Variants in SI observed in about 807,000 individuals in gnomAD.
SI encodes sucrase-isomaltase, also known as sucrase-isomaltase, intestinal.
A neutral mutation model predicts 253.3 loss-of-function variants in SI; 235 were observed. That is an observed-to-expected ratio of 0.93 (90% CI 0.83 to 1.03). The LOEUF (loss-of-function observed/expected upper bound fraction) is 1.03. Among genes scored for constraint, SI ranks in the 50% least tolerant of loss-of-function variants. SI has a pLI of 0.00. For synonymous variants in SI, 819 were observed against 712.0 expected, an observed-to-expected ratio of 1.15 and a Z score of -2.39; for missense variants, 2,442 against 2,211.1, an observed-to-expected ratio of 1.10 and a Z score of -2.09.
Position 165,010,862 on chromosome 3 carries a change from C to T in SI, c.4063-1467G>A, listed in dbSNP as rs73877381. Among the ~76,000 whole-genome samples the T allele has an allele frequency of 3.6e-3, 552 of 152,288 alleles. 3 individuals are homozygous for T. Among genetic ancestry groups the T allele is most frequent in the African/African-American group, 0.013 (525 of 41,536 alleles). On this transcript the variant is annotated intron_variant, in intron 34 of 47. Coordinates refer to ENST00000264382, the MANE Select transcript of SI (RefSeq NM_001041.4). ...CCAACACCTATATAAAAATCCATGC[C>T]TGTCTCTCTAGTGGTTCTCAAGAAT...
Position 165,049,787 on chromosome 3 carries a change from T to C in SI, c.1597+4A>G, listed in dbSNP as rs752411365. On this transcript the variant is annotated splice_donor_region_variant and intron_variant, in intron 14 of 47. Coordinates refer to ENST00000264382, the MANE Select transcript of SI (RefSeq NM_001041.4). ...CAGTAATTAGATAACCAAATAAATT[T>C]TACCAGGAGTAAACGGTGGATAATT... 7 of 1,530,876 alleles carry C rather than the reference T, an allele frequency of 4.6e-6. No homozygotes were observed. In the South Asian group the frequency reaches 5.6e-5, roughly 12 times the overall value. 94.8% of individuals were successfully genotyped at this position (1,530,876 alleles called of 1,614,324 possible).
At chr3:165,056,014 T>C (rs917125768) in intron 12 of SI, among the ~76,000 whole-genome samples, 2 of 152,182 alleles carry the variant, frequency 1.3e-5, no homozygotes, top group African/African-American at 4.8e-5. Flanking sequence ...TGTATTATGC[T>C]GTCTTTTTCT....
At chr3:165,088,033 T>C in the SI span, among the ~76,000 whole-genome samples, 1 of 152,116 alleles carries the variant, frequency 6.6e-6, no homozygotes, top group Non-Finnish European at 1.5e-5. Context: ...AAAAAATTCA[T>C]ATGTATGTAA....
At chr3:165,041,742 C>G (rs549999967) in intron 17 of SI, among the ~76,000 whole-genome samples, 8 of 152,054 alleles carry the variant, frequency 5.3e-5, no homozygotes, top group Non-Finnish European at 8.8e-5. Context: ...TATGGACAAG[C>G]CTGTTTAGAC....
intron 13 of SI, 69 bp from the exon 14 acceptor site, chr3:165,049,944 A>G (rs1713342622): frequency 2.0e-6 from 2 of 983,786 alleles, no homozygotes; most frequent in Non-Finnish European, 3.3e-6. Flanking sequence ...GAAACTCTCT[A>G]GTTGTTTGAA....
At position 165,018,021 on chromosome 3, in the gene SI, C is replaced by T. The variant is rs1450410925; in HGVS notation, c.3469G>A (p.Glu1157Lys). ...ACACCATGAGCATTGCCCTCCTCTTCCAGAGCCATGTAATAGGGATGAAAT... is the reference window on the plus strand; with the variant it reads ...ACACCATGAGCATTGCCCTCCTCTTTCAGAGCCATGTAATAGGGATGAAAT... The part of the protein sequence containing the change: ...YGFHPYYMAL[E>K]EEGNAHGVFL... Residue 1157 changes from glutamate to lysine, a missense_variant, in exon 29 of 48, where the codon GAA becomes AAA. By Grantham distance (56) the Glu-to-Lys change is moderately conservative. Transcript: ENST00000264382. 1.2e-6 allele frequency: 2 copies of T among 1,611,582 alleles called. No homozygotes were observed. Among genetic ancestry groups the T allele is most frequent in the Non-Finnish European group, 1.7e-6 (2 of 1,178,086 alleles).
intron 47 of SI, among the ~76,000 whole-genome samples, chr3:164,979,922 A>G (rs1294994047): frequency 6.6e-6 from 1 of 151,866 alleles, no homozygotes; most frequent in African/African-American, 2.4e-5. Flanking sequence ...ATTTCACTGG[A>G]GATAATCTAA....
chr3:164,985,585 T>A (rs75706075), intron 45 of SI, among the ~76,000 whole-genome samples: 7,332 of 152,266 alleles, frequency 0.048, 597 homozygotes, highest in African/African-American at 0.17. Flanking sequence ...GATTTACCTT[T>A]AAGATAAAAG....
chr3:165,023,922 A>T, intron 25 of SI, 146 bp from the exon 26 acceptor site: 1 of 676,322 alleles, frequency 1.5e-6, no homozygotes, highest in Non-Finnish European at 2.6e-6. Flanking sequence ...AACACAAAAT[A>T]TATTTTATGC....
intron 44 of SI, among the ~76,000 whole-genome samples, chr3:164,988,267 T>C (rs183144137): frequency 6.6e-6 from 1 of 152,324 alleles, no homozygotes; most frequent in African/African-American, 2.4e-5. Flanking sequence ...ATCTCCACAG[T>C]AATTAGATAT....
At chr3:164,992,084 A>G in intron 43 of SI, 93 bp downstream of exon 43, 1 of 1,035,946 alleles carries the variant, frequency 9.7e-7, no homozygotes, top group Admixed American at 1.7e-5. Context: ...TTTAAGTGGA[A>G]AGTAAATCCA....
rs969368790 is a variant in SI at position 164,996,529 on chromosome 3, A to G, written c.4692+6T>C. ...AATACTGAAAGTAAATGTAGTAATTACATACTCTAGTATTTGCAATGTTGT... is the reference window on the plus strand; with the variant it reads ...AATACTGAAAGTAAATGTAGTAATTGCATACTCTAGTATTTGCAATGTTGT... On this transcript the variant is annotated splice_donor_region_variant and intron_variant, in intron 40 of 47. Transcript: ENST00000264382. 6 of 1,364,752 alleles carry G rather than the reference A, an allele frequency of 4.4e-6. No homozygotes were observed. The highest frequency in any genetic ancestry group is 1.7e-5 in the Admixed American group (1 of 59,470). 84.5% of individuals were successfully genotyped at this position (1,364,752 alleles called of 1,614,324 possible). A position where few individuals can be genotyped will look rare whatever the true frequency, so the allele number is the denominator to read the frequency against.
chr3:165,085,888 T>C, the SI span, among the ~76,000 whole-genome samples: 25 of 152,276 alleles, frequency 1.6e-4, no homozygotes, highest in African/African-American at 3.6e-4. Context: ...CAAAGTTCTA[T>C]AGCTACAATA....
upstream of SI, among the ~76,000 whole-genome samples, chr3:165,079,287 T>C (rs1192683460): frequency 6.6e-6 from 1 of 151,690 alleles, no homozygotes; most frequent in Non-Finnish European, 1.5e-5. Flanking sequence ...AAGAATTATA[T>C]GAGCTAATAT....
rs1480391241 is a variant in SI, at chr3:165,009,329, C to T, written c.4129G>A (p.Glu1377Lys). The change falls in exon 35 of 48, where the codon GAA becomes AAA. Residue 1377 changes from glutamate (E) to lysine (K), a missense_variant. Coordinates refer to ENST00000264382, the MANE Select transcript of SI (RefSeq NM_001041.4). ...RTSTAEWWAR[E>K]IVDFYNEKMK... ...TTTTCATTGTAAAAGTCCACAATTT[C>T]TCTGGCCCACCACTCTGCTGTGGAA... The T allele has an allele frequency of 6.2e-7, 1 of 1,613,724 alleles. No individual in the cohort carries two copies. The highest frequency in any genetic ancestry group is 2.2e-5 in the East Asian group (1 of 44,814).
At chr3:164,992,489 G>A in intron 41 of SI, 92 bp from the exon 42 acceptor site, 4 of 835,486 alleles carry the variant, frequency 4.8e-6, no homozygotes, top group Non-Finnish European at 7.6e-6. Flanking sequence ...TTTGTAGTAT[G>A]GACTTTTGTG....
chr3:165,017,782 A>G lies in SI; in HGVS notation c.3612T>C (p.Val1204=). 1 of 1,612,686 alleles carries G rather than the reference A, an allele frequency of 6.2e-7. No individual in the cohort carries two copies. The highest frequency in any genetic ancestry group is 8.5e-7 in the Non-Finnish European group (1 of 1,179,044). The change falls in exon 30 of 48, where the codon GTT becomes GTC. Residue 1204 remains valine, a synonymous_variant. Coordinates refer to ENST00000264382, the MANE Select transcript of SI (RefSeq NM_001041.4). ...FYMFLGPTPE[V]ATKQYHEVIG... Reference sequence around the variant, plus strand: ...ATACTTCATGGTATTGCTTTGTTGCAACTTCTGGAGTTGGGCCCAAAAACA... The same window carrying G: ...ATACTTCATGGTATTGCTTTGTTGCGACTTCTGGAGTTGGGCCCAAAAACA...
At chr3:165,030,195 T>A (rs1240467220) in intron 25 of SI, among the ~76,000 whole-genome samples, 2 of 150,786 alleles carry the variant, frequency 1.3e-5, no homozygotes, top group African/African-American at 2.4e-5. Context: ...TTTTACAATG[T>A]CCTTCCTGTG....
At chr3:165,021,105 T>C in intron 27 of SI, 124 bp downstream of exon 27, 1 of 780,948 alleles carries the variant, frequency 1.3e-6, no homozygotes, top group Non-Finnish European at 2.2e-6. Context: ...CAAAGTTATT[T>C]AACACGTCTT....
Sources: gnomAD v4.1 joint callset for allele counts (sites outside exome capture counted in the v4.1 genomes callset) on GRCh38, gnomAD v4.1.1 for gene constraint, MANE v1.5 for transcripts, NCBI Gene and HGNC (gene_info 2026-07-23, HGNC 2026-07-21) for gene names.